BMPR2: variants seen among roughly 807,000 people sequenced by gnomAD.
BMPR2 encodes the protein bone morphogenetic protein receptor type-2.
BMPR2 carries 29 observed loss-of-function variants against 100.8 expected under a neutral mutation model. That is an observed-to-expected ratio of 0.29 (90% CI 0.21 to 0.39). BMPR2 has a LOEUF of 0.39. Among genes scored for constraint, BMPR2 ranks in the 10% least tolerant of loss-of-function variants. The pLI, the probability that BMPR2 is intolerant of heterozygous loss-of-function variation, is 1.00. For missense variants in BMPR2, 1,011 were observed against 1,274.5 expected (o/e 0.79, Z 3.15); for synonymous variants, 382 against 442.3 (o/e 0.86, Z 1.71).
chr2:202,466,507 G>A (rs902293041), intron 2 of BMPR2, among the ~76,000 whole-genome samples: 5 of 152,040 alleles, frequency 3.3e-5, no homozygotes, highest in African/African-American at 9.7e-5. Context: ...GGGTGGTCTC[G>A]ATCTCCTGAC....
At chr2:202,417,451 C>T (rs972612615) in intron 1 of BMPR2, among the ~76,000 whole-genome samples, 4 of 151,646 alleles carry the variant, frequency 2.6e-5, no homozygotes, top group Admixed American at 6.6e-5. Flanking sequence ...TACAGGCATG[C>T]GCCACCATGC....
chr2:202,541,275 T>C (rs1688267500), intron 9 of BMPR2, among the ~76,000 whole-genome samples: 1 of 151,952 alleles, frequency 6.6e-6, no homozygotes, highest in African/African-American at 2.4e-5. Context: ...ACCTTATCTC[T>C]ACAAAAATAT....
chr2:202,535,373 C>T (rs1349428199), intron 9 of BMPR2, among the ~76,000 whole-genome samples: 2 of 149,492 alleles, frequency 1.3e-5, no homozygotes, highest in Admixed American at 6.6e-5. Context: ...TCAGACGGGG[C>T]GGCCGGGCAG....
chr2:202,381,418 ATCTG>A (rs1690290169), intron 1 of BMPR2, among the ~76,000 whole-genome samples: 1 of 152,180 alleles, frequency 6.6e-6, no homozygotes, highest in South Asian at 2.1e-4. Context: ...AGTAACATCT[ATCTG>A]GGGGAGGCTT....
At chr2:202,482,708 T>C (rs995485073) in intron 3 of BMPR2, among the ~76,000 whole-genome samples, 1 of 152,090 alleles carries the variant, frequency 6.6e-6, no homozygotes, top group Non-Finnish European at 1.5e-5. Flanking sequence ...CCAGCTAATT[T>C]TTTTGTATTT....
chr2:202,485,789 C>T (rs577049690), intron 3 of BMPR2, among the ~76,000 whole-genome samples: 1 of 152,024 alleles, frequency 6.6e-6, no homozygotes, highest in Non-Finnish European at 1.5e-5. Context: ...AAGTGATTCG[C>T]CCGCCTGGGC....
intron 11 of BMPR2, among the ~76,000 whole-genome samples, chr2:202,554,449 C>T (rs1315961741): frequency 1.3e-5 from 2 of 152,146 alleles, no homozygotes; most frequent in East Asian, 1.9e-4. Flanking sequence ...CCCATAGTTA[C>T]GCTAACTCTA....
In BMPR2 at chr2:202,509,766, T is replaced by G. The variant is rs1035010045; in HGVS notation, c.419-3953T>G. Reference sequence around the variant, plus strand: ...TAAACATGTCCACATATTTAAGAATTAAAAATTAGATTTTTAAAAAATAAA... The same window carrying G: ...TAAACATGTCCACATATTTAAGAATGAAAAATTAGATTTTTAAAAAATAAA... On this transcript the variant is annotated intron_variant, in intron 3 of 12. Transcript: ENST00000374580. Among the ~76,000 whole-genome samples the G allele has an allele frequency of 2.0e-5, 3 of 151,990 alleles. No individual in the cohort carries two copies. The South Asian group carries it at 6.2e-4, about 31-fold the overall frequency.
chr2:202,555,820 G>A lies in BMPR2; in HGVS notation c.2155G>A (p.Gly719Arg). ...CATAAAACTTGCAGTAGAAGCAACT[G>A]GACAGCAGGACTTCACACAGACTGC... Reference protein sequence around the residue: ...PLIKLAVEATGQQDFTQTANG... With the variant: ...PLIKLAVEATRQQDFTQTANG... Residue 719 changes from glycine (G) to arginine (R), a missense_variant, in exon 12 of 13, where the codon GGA (glycine) becomes AGA (arginine). By Grantham distance (125) the Gly-to-Arg change is moderately radical (BLOSUM62 -2). Transcript: ENST00000374580. 6.2e-7 allele frequency: 1 copy of A among 1,614,028 alleles called. No individual in the cohort carries two copies. The highest frequency in any genetic ancestry group is 1.3e-5 in the African/African-American group (1 of 74,988).
chr2:202,470,921 G>A (rs1029245803), intron 3 of BMPR2, among the ~76,000 whole-genome samples: 1 of 151,806 alleles, frequency 6.6e-6, no homozygotes, highest in Non-Finnish European at 1.5e-5. Context: ...AAGTAGCCAG[G>A]TGTGGCACAC....
At chr2:202,491,466 C>T (rs1337119094) in intron 3 of BMPR2, among the ~76,000 whole-genome samples, 2 of 152,008 alleles carry the variant, frequency 1.3e-5, no homozygotes, top group African/African-American at 4.8e-5. Flanking sequence ...CTCTGTCCCC[C>T]AGGCTGAAGT....
At chr2:202,393,443 C>T (rs186514236) in intron 1 of BMPR2, among the ~76,000 whole-genome samples, 6 of 152,124 alleles carry the variant, frequency 3.9e-5, no homozygotes, top group African/African-American at 7.2e-5. Context: ...TGACTGTGAC[C>T]TCTGGTAGTA....
chr2:202,533,183 C>G (rs2106020566), intron 9 of BMPR2, among the ~76,000 whole-genome samples: 1 of 151,034 alleles, frequency 6.6e-6, no homozygotes, highest in East Asian at 1.9e-4. Context: ...TTCCTTCTTT[C>G]TTCCTTCCTT....
chr2:202,539,147 A>C (rs1162664396), intron 9 of BMPR2, among the ~76,000 whole-genome samples: 1 of 152,174 alleles, frequency 6.6e-6, no homozygotes, highest in African/African-American at 2.4e-5. Flanking sequence ...AATGCCTTGT[A>C]AGTCAGTATT....
At chr2:202,493,518 GTTTAC>G (rs1223229600) in intron 3 of BMPR2, among the ~76,000 whole-genome samples, 1 of 151,958 alleles carries the variant, frequency 6.6e-6, no homozygotes, top group Non-Finnish European at 1.5e-5. Flanking sequence ...TTCCTAGTCT[GTTTAC>G]TTAAATGTGA....
At chr2:202,535,415 G>T (rs1230049547) in intron 9 of BMPR2, among the ~76,000 whole-genome samples, 2 of 151,546 alleles carry the variant, frequency 1.3e-5, no homozygotes, top group African/African-American at 2.4e-5. Context: ...CGGGGTCTCG[G>T]CTGGGCAGAG....
At chr2:202,518,013 A>G (rs1295993375) in intron 5 of BMPR2, among the ~76,000 whole-genome samples, 1 of 125,038 alleles carries the variant, frequency 8.0e-6, no homozygotes, top group African/African-American at 3.1e-5. Flanking sequence ...TTTTTAGTAG[A>G]GATGGGGTTT....
At chr2:202,472,327 A>G (rs992444533) in intron 3 of BMPR2, among the ~76,000 whole-genome samples, 1 of 152,200 alleles carries the variant, frequency 6.6e-6, no homozygotes, top group Non-Finnish European at 1.5e-5. Context: ...CAAACAAAAC[A>G]AAGTCTCTAA....
At chr2:202,393,430 C>G (rs1690590329) in intron 1 of BMPR2, among the ~76,000 whole-genome samples, 3 of 152,242 alleles carry the variant, frequency 2.0e-5, no homozygotes, top group Middle Eastern at 6.8e-3. Context: ...GTGTACGATT[C>G]TTTGACTGTG....
Sources: gnomAD v4.1 joint callset for allele counts (sites outside exome capture counted in the v4.1 genomes callset) on GRCh38, gnomAD v4.1.1 for gene constraint, MANE v1.5 for transcripts, NCBI Gene and HGNC (gene_info 2026-07-23, HGNC 2026-07-21) for gene names.